LPIN2: variants seen among roughly 807,000 people sequenced by gnomAD.
LPIN2 encodes the protein lipin 2, also known as phosphatidate phosphatase LPIN2.
A neutral mutation model predicts 111.4 loss-of-function variants in LPIN2; 55 were observed. That is an observed-to-expected ratio of 0.49 (90% CI 0.40 to 0.62). LPIN2 has a LOEUF of 0.62. LPIN2 is among the 20% of genes least tolerant of loss of function. The probability of loss-of-function intolerance (pLI) is 0.00; values close to 1 mark genes in which losing one functional copy is unlikely to be tolerated. For synonymous variants in LPIN2, 425 were observed against 414.0 expected (o/e 1.03, Z -0.32); for missense variants, 992 against 1,112.1 (o/e 0.89, Z 1.54).
chr18:3,002,443 G>A (rs574623478), intron 1 of LPIN2, among the ~76,000 whole-genome samples: 6 of 152,108 alleles, frequency 3.9e-5, no homozygotes, highest in East Asian at 1.9e-4. Context: ...TTAGTCAAAC[G>A]CTCACCTGCA....
At chr18:2,996,053 T>C (rs530164936) in intron 1 of LPIN2, among the ~76,000 whole-genome samples, 2 of 152,272 alleles carry the variant, frequency 1.3e-5, no homozygotes, top group East Asian at 1.9e-4. Context: ...ATTAATAAAA[T>C]GTTACGGCCG....
rs55844718 is a variant in LPIN2 at position 2,956,311 on chromosome 18, G to GGT, written c.193-1714_193-1713dup. Reference sequence around the variant, plus strand: ...CATGATTTTCATATATAGATGCAGGGGTGTGTGTGTGTGTGTGTGTGTGTG... The same window carrying GGT: ...CATGATTTTCATATATAGATGCAGGGGTGTGTGTGTGTGTGTGTGTGTGTGTG... On this transcript the variant is annotated intron_variant, in intron 2 of 19. Transcript: ENST00000677752. Among the ~76,000 whole-genome samples the GGT allele has an allele frequency of 7.8e-3, 1,130 of 144,040 alleles. 37 individuals are homozygous for GGT. The highest frequency in any genetic ancestry group is 0.027 in the African/African-American group (1,000 of 36,926). The allele number at this position is 144,040 out of a possible 152,430, so 94.5% of individuals were successfully genotyped here.
intron 1 of LPIN2, among the ~76,000 whole-genome samples, chr18:2,996,663 G>A: frequency 6.6e-6 from 1 of 151,550 alleles, no homozygotes; most frequent in Middle Eastern, 3.4e-3. Context: ...ATTTTTAGTA[G>A]AGACGGGGTT....
intron 1 of LPIN2, among the ~76,000 whole-genome samples, chr18:3,007,015 AC>A (rs60194262): frequency 0.042 from 6,322 of 150,676 alleles, 419 homozygotes; most frequent in African/African-American, 0.15. Context: ...AAAAAAAAAA[AC>A]AGCATTTGTT....
intron 1 of LPIN2, among the ~76,000 whole-genome samples, chr18:2,970,580 A>G (rs923542847): frequency 3.3e-5 from 5 of 152,200 alleles, no homozygotes; most frequent in African/African-American, 1.2e-4. Flanking sequence ...AATGTTGCCA[A>G]CAGAGGACTT....
Position 2,951,256 on chromosome 18 carries a change from G to A in LPIN2, c.389C>T (p.Thr130Ile). Residue 130 changes from threonine (T) to isoleucine (I), a missense_variant, in exon 4 of 20, where the codon ACA becomes ATA. Coordinates refer to ENST00000677752, the MANE Select transcript of LPIN2 (RefSeq NM_001375808.2). ...TGAGATGTCTGAACTCTGAGATGGT[G>A]TTTCATCTCCACCCGATTTCACCAA... ...TPLVKSGGDETPSQSSDISHV... is the reference protein window; with the variant it reads ...TPLVKSGGDEIPSQSSDISHV... The A allele has an allele frequency of 6.2e-7, 1 of 1,613,854 alleles. No individual in the cohort carries two copies. Among genetic ancestry groups the A allele is most frequent in the Non-Finnish European group, 8.5e-7 (1 of 1,179,884 alleles).
chr18:2,985,031 T>C (rs1302009191), intron 1 of LPIN2: 2 of 152,640 alleles, frequency 1.3e-5, no homozygotes, highest in South Asian at 4.1e-4. Context: ...AGCCAGTCAT[T>C]TGGGGGTTTC....
chr18:2,961,289 A>C (rs551322498), intron 1 of LPIN2, among the ~76,000 whole-genome samples: 1 of 152,306 alleles, frequency 6.6e-6, no homozygotes, highest in South Asian at 2.1e-4. Context: ...GAAACCAGAG[A>C]TTCATCTTCC....
intron 4 of LPIN2, among the ~76,000 whole-genome samples, chr18:2,944,226 G>T (rs1335789193): frequency 7.1e-6 from 1 of 141,386 alleles, no homozygotes; most frequent in Non-Finnish European, 1.5e-5. Context: ...AGCTCTTCAT[G>T]ACTTTAAAAA....
At chr18:2,924,309 CCCAGGTGAGGAA>C in intron 15 of LPIN2, 77 bp downstream of exon 15, 2 of 1,542,098 alleles carry the variant, frequency 1.3e-6, no homozygotes, top group Non-Finnish European at 1.8e-6. Flanking sequence ...GGCTTCGAGC[CCCAGGTGAGGAA>C]CTCCCCACCA....
intron 15 of LPIN2, 48 bp from the exon 16 acceptor site, chr18:2,923,909 A>G (rs1026683493): frequency 4.1e-6 from 6 of 1,471,660 alleles, no homozygotes; most frequent in Non-Finnish European, 4.8e-6. Context: ...TCAAACACAT[A>G]CAGCGTTTTC....
chr18:2,962,215 T>C (rs1198510769), intron 1 of LPIN2, among the ~76,000 whole-genome samples: 1 of 152,200 alleles, frequency 6.6e-6, no homozygotes, highest in Non-Finnish European at 1.5e-5. Context: ...TTCTACACCA[T>C]GAAGCATCGC....
intron 1 of LPIN2, among the ~76,000 whole-genome samples, chr18:2,987,989 G>A (rs1269603914): frequency 7.1e-6 from 1 of 141,528 alleles, no homozygotes; most frequent in Admixed American, 7.1e-5. Context: ...CTCCAGCCTG[G>A]GCGACAGAGT....
chr18:2,928,871 A>G (rs2077173940), intron 10 of LPIN2, among the ~76,000 whole-genome samples, 194 bp downstream of exon 10: 1 of 152,252 alleles, frequency 6.6e-6, no homozygotes, highest in Non-Finnish European at 1.5e-5. Flanking sequence ...TCTATCAAAC[A>G]GAGTAACATT....
intron 4 of LPIN2, among the ~76,000 whole-genome samples, chr18:2,945,169 C>T (rs1311876023): frequency 2.6e-5 from 4 of 152,116 alleles, no homozygotes; most frequent in African/African-American, 9.7e-5. Flanking sequence ...TAAAATTGGA[C>T]ATTCACAATT....
intron 1 of LPIN2, among the ~76,000 whole-genome samples, chr18:3,003,954 G>A (rs954496184): frequency 2.2e-4 from 33 of 152,130 alleles, no homozygotes; most frequent in African/African-American, 6.5e-4. Context: ...AATTGATACC[G>A]TGTGGAAGGA....
Position 2,924,460 on chromosome 18 carries a change from G to T in LPIN2, c.2025C>A (p.Thr675=). ...QYQGTCRCAG[T]IYLWNWNDKI... Reference sequence around the variant, plus strand: ...TGTCATTCCAGTTCCACAGGTAAATGGTCCCTGCACAGCGACAGGTGCCTT... The same window carrying T: ...TGTCATTCCAGTTCCACAGGTAAATTGTCCCTGCACAGCGACAGGTGCCTT... Residue 675 remains threonine, a synonymous_variant, in exon 15 of 20, where the codon ACC becomes ACA. Transcript: ENST00000677752. 1.9e-6 allele frequency: 3 copies of T among 1,614,122 alleles called. No individual in the cohort carries two copies. Among genetic ancestry groups the T allele is most frequent in the African/African-American group, 1.3e-5 (1 of 75,024 alleles).
intron 14 of LPIN2, 121 bp from the exon 15 acceptor site, chr18:2,924,667 C>G (rs955132661): frequency 1.5e-5 from 15 of 999,884 alleles, no homozygotes; most frequent in Non-Finnish European, 2.3e-5. Flanking sequence ...TTTCCGGGGT[C>G]TTAGACACAG....
intron 1 of LPIN2, among the ~76,000 whole-genome samples, chr18:2,967,847 A>C (rs8087073): frequency 0.035 from 5,328 of 152,238 alleles, 166 homozygotes; most frequent in African/African-American, 0.085. Flanking sequence ...GTTTTGTATT[A>C]TTTTATATTA....
Sources: gnomAD v4.1 joint callset for allele counts (sites outside exome capture counted in the v4.1 genomes callset) on GRCh38, gnomAD v4.1.1 for gene constraint, MANE v1.5 for transcripts, NCBI Gene and HGNC (gene_info 2026-07-23, HGNC 2026-07-21) for gene names.